The following PRDM5 variants were observed in gnomAD, a reference collection of about 807,000 sequenced individuals.
PRDM5 encodes PR domain zinc finger protein 5.
A neutral mutation model predicts 81.2 loss-of-function variants in PRDM5; 56 were observed. That is an observed-to-expected ratio of 0.69 (90% confidence interval 0.56 to 0.86). PRDM5 has a LOEUF of 0.86. Ranked by LOEUF, PRDM5 falls within the 40% of genes least tolerant of loss-of-function variation. The pLI, the probability that PRDM5 is intolerant of heterozygous loss-of-function variation, is 0.00. For synonymous variants in PRDM5, 267 were observed against 256.4 expected (o/e 1.04, Z -0.39); for missense variants, 697 against 770.1 (o/e 0.91, Z 1.12).
chr4:120,842,585 TTATC>T (rs1401294958), intron 3 of PRDM5, among the ~76,000 whole-genome samples: 2 of 152,190 alleles, frequency 1.3e-5, no homozygotes, highest in Non-Finnish European at 2.9e-5. Context: ...AATAAATAGT[TTATC>T]TAAGTGTCAT....
At chr4:120,909,455 T>C (rs1655226811) in intron 1 of PRDM5, among the ~76,000 whole-genome samples, 1 of 152,192 alleles carries the variant, frequency 6.6e-6, no homozygotes, top group Admixed American at 6.5e-5. Context: ...CTGTAATAAA[T>C]GTGAGGGTTA....
At chr4:120,856,693 T>C (rs1759918013) in intron 2 of PRDM5, among the ~76,000 whole-genome samples, 1 of 152,222 alleles carries the variant, frequency 6.6e-6, no homozygotes, top group African/African-American at 2.4e-5. Context: ...TGGCTATTAT[T>C]AAAGTCTCCA....
intron 8 of PRDM5, among the ~76,000 whole-genome samples, chr4:120,806,373 C>T (rs1752934268): frequency 6.6e-6 from 1 of 152,036 alleles, no homozygotes; most frequent in Admixed American, 6.6e-5. Flanking sequence ...GGAACTAAAA[C>T]AAAGCCCACA....
chr4:120,848,937 TGAA>T (rs775926882), intron 3 of PRDM5, among the ~76,000 whole-genome samples: 3 of 152,202 alleles, frequency 2.0e-5, no homozygotes, highest in Non-Finnish European at 4.4e-5. Flanking sequence ...ATGTTATTAT[TGAA>T]GAAAATCACT....
chr4:120,843,638 C>A (rs1758309025), intron 3 of PRDM5, among the ~76,000 whole-genome samples: 1 of 150,372 alleles, frequency 6.7e-6, no homozygotes, highest in Admixed American at 6.6e-5. Flanking sequence ...CTGCAATGAG[C>A]CATGATCAGG....
chr4:120,892,929 A>G (rs1207600359), intron 2 of PRDM5, among the ~76,000 whole-genome samples: 1 of 152,194 alleles, frequency 6.6e-6, no homozygotes, highest in African/African-American at 2.4e-5. Context: ...CAGAAGCAGG[A>G]CCACTGGGCC....
chr4:120,865,124 C>G (rs767857057), intron 2 of PRDM5, among the ~76,000 whole-genome samples: 7 of 152,126 alleles, frequency 4.6e-5, no homozygotes, highest in African/African-American at 7.2e-5. Flanking sequence ...CCATCAAGTG[C>G]CTGAACCAAA....
At chr4:120,710,626 T>C (rs766537348) in intron 14 of PRDM5, among the ~76,000 whole-genome samples, 15 of 152,144 alleles carry the variant, frequency 9.9e-5, no homozygotes, top group Admixed American at 2.0e-4. Flanking sequence ...GGGAGGTAAT[T>C]GAATCATGGG....
chr4:120,713,722 TTATTTA>T (rs1293703482), intron 14 of PRDM5, among the ~76,000 whole-genome samples: 1 of 152,200 alleles, frequency 6.6e-6, no homozygotes, highest in African/African-American at 2.4e-5. Context: ...GAGCAGTATT[TTATTTA>T]TATCTTGATT....
At chr4:120,835,559 T>C (rs1446208168) in intron 3 of PRDM5, among the ~76,000 whole-genome samples, 1 of 152,134 alleles carries the variant, frequency 6.6e-6, no homozygotes, top group Non-Finnish European at 1.5e-5. Context: ...CAAGATTTGA[T>C]GGTTTGAAAA....
chr4:120,701,819 T>C (rs1485492446), intron 15 of PRDM5, among the ~76,000 whole-genome samples: 2 of 151,642 alleles, frequency 1.3e-5, no homozygotes, highest in Admixed American at 6.6e-5. Context: ...GAATCTAAAA[T>C]AGAAATTGAA....
chr4:120,699,161 A>ATATATATAT lies in PRDM5; in HGVS notation c.1729-3887_1729-3886insATATATATA, dbSNP rs1560888990. 1.2e-3 allele frequency among the ~76,000 whole-genome samples: 89 copies of ATATATATAT among 73,376 alleles called. 2 individuals carry two copies. Among genetic ancestry groups the ATATATATAT allele is most frequent in the South Asian group, 2.8e-3 (5 of 1,808 alleles). The allele number at this position is 73,376 out of a possible 152,430, so 48.1% of individuals were successfully genotyped here. A position where few individuals can be genotyped will look rare whatever the true frequency, so the allele number is the denominator to read the frequency against. ...TGTATAGGCAATTATAGGAAATATA[A>ATATATATAT]ATATATATATATATATATATATATA... On this transcript the variant is annotated intron_variant, in intron 15 of 15. Coordinates refer to ENST00000264808, the MANE Select transcript of PRDM5 (RefSeq NM_018699.4).
intron 14 of PRDM5, among the ~76,000 whole-genome samples, chr4:120,735,189 T>G (rs554330525): frequency 1.2e-4 from 19 of 152,324 alleles, no homozygotes; most frequent in South Asian, 2.1e-4. Flanking sequence ...CTTTTGCTTT[T>G]AATTTTTGAC....
At chr4:120,819,743 G>A (rs546036875) in intron 4 of PRDM5, among the ~76,000 whole-genome samples, 2 of 151,714 alleles carry the variant, frequency 1.3e-5, no homozygotes, top group East Asian at 1.9e-4. Context: ...GGGACAACAG[G>A]GAAAAAATAA....
rs1258281338 is a variant in PRDM5 at position 120,692,812 on chromosome 4, C to T, written c.*2299G>A. 4 of 152,032 alleles carry T rather than the reference C, an allele frequency of 2.6e-5. No homozygotes were observed. The highest frequency in any genetic ancestry group is 5.9e-5 in the Non-Finnish European group (4 of 67,988). The allele number at this position is 152,032 out of a possible 1,614,324, so 9.4% of individuals were successfully genotyped here. On this transcript the variant is annotated 3_prime_UTR_variant, in exon 16 of 16. Coordinates refer to ENST00000264808, the MANE Select transcript of PRDM5 (RefSeq NM_018699.4). ...CTTCAGCTTGTCTGTAAGACTTTTCCTTATGATTATCTATGCTTTCAATTG... is the reference window on the plus strand; with the variant it reads ...CTTCAGCTTGTCTGTAAGACTTTTCTTTATGATTATCTATGCTTTCAATTG...
At chr4:120,803,564 G>T (rs1472849736) in intron 8 of PRDM5, among the ~76,000 whole-genome samples, 1 of 152,192 alleles carries the variant, frequency 6.6e-6, no homozygotes, top group African/African-American at 2.4e-5. Flanking sequence ...ACATTTTAAA[G>T]AAAAGAATTT....
chr4:120,895,303 T>C (rs1190677210), intron 2 of PRDM5, among the ~76,000 whole-genome samples: 1 of 152,154 alleles, frequency 6.6e-6, no homozygotes, highest in East Asian at 1.9e-4. Flanking sequence ...AGATGTTTTT[T>C]CCACTGTATT....
chr4:120,803,265 C>T (rs576809782), intron 8 of PRDM5, among the ~76,000 whole-genome samples: 7 of 152,146 alleles, frequency 4.6e-5, no homozygotes, highest in Admixed American at 1.3e-4. Context: ...AGAATGGGAC[C>T]AAGACGGAAA....
At chr4:120,816,267 T>C (rs1337055330) in intron 7 of PRDM5, 186 bp downstream of exon 7, 2 of 892,178 alleles carry the variant, frequency 2.2e-6, no homozygotes, top group Non-Finnish European at 3.5e-6. Flanking sequence ...GAACAAATGC[T>C]GCTAAATTCA....
Sources: allele counts gnomAD v4.1 joint callset (sites outside exome capture counted in the v4.1 genomes callset), GRCh38; gene constraint gnomAD v4.1.1; transcripts MANE v1.5; gene names NCBI Gene and HGNC (gene_info 2026-07-23, HGNC 2026-07-21).